Variants in IFNGR2 observed in about 807,000 individuals in gnomAD.
IFNGR2 encodes the protein interferon gamma receptor 2.
In IFNGR2, 15 loss-of-function variants were observed where a neutral mutation model predicts 41.1. The ratio of observed to expected loss-of-function variants is 0.37; its 90% CI spans 0.24 to 0.56. The LOEUF is 0.56. Ranked by LOEUF, IFNGR2 falls within the 20% of genes least tolerant of loss-of-function variation. IFNGR2 has a pLI of 0.81. For synonymous variants in IFNGR2, 161 were observed against 171.6 expected (o/e 0.94, Z 0.48); for missense variants, 362 against 415.7 (o/e 0.87, Z 1.12).
intron 5 of IFNGR2, 49 bp from the exon 6 acceptor site, chr21:33,432,665 T>C (rs1355872282): frequency 1.3e-6 from 2 of 1,597,410 alleles, no homozygotes; most frequent in Non-Finnish European, 1.7e-6. Flanking sequence ...CTGATGTTTG[T>C]GTTGTGCGTA....
chr21:33,430,133 C>T (rs2083873119), intron 4 of IFNGR2, among the ~76,000 whole-genome samples: 1 of 151,594 alleles, frequency 6.6e-6, no homozygotes, highest in Non-Finnish European at 1.5e-5. Flanking sequence ...AGCAAGACTC[C>T]GTCTCAAAAA....
chr21:33,430,141 AAAAC>A (rs201515262), intron 4 of IFNGR2, among the ~76,000 whole-genome samples: 10,303 of 152,258 alleles, frequency 0.068, 410 homozygotes, highest in Non-Finnish European at 0.11. Context: ...TCCGTCTCAA[AAAAC>A]AAACAAACAA....
chr21:33,433,374 G>T (rs911698027), intron 6 of IFNGR2, among the ~76,000 whole-genome samples: 1 of 152,182 alleles, frequency 6.6e-6, no homozygotes, highest in South Asian at 2.1e-4. Flanking sequence ...TGTCGTTGAA[G>T]GATTAATAGA....
intron 3 of IFNGR2, among the ~76,000 whole-genome samples, chr21:33,422,508 AAGG>A (rs2083801370): frequency 6.6e-6 from 1 of 152,164 alleles, no homozygotes; most frequent in African/African-American, 2.4e-5. Flanking sequence ...ATGATTTTTA[AAGG>A]AGGAGGAGGT....
chr21:33,410,014 G>A (rs1013043678), intron 1 of IFNGR2, among the ~76,000 whole-genome samples: 2 of 152,000 alleles, frequency 1.3e-5, no homozygotes, highest in African/African-American at 4.8e-5. Flanking sequence ...TGGTAGCAGG[G>A]TCCATTTTAT....
intron 1 of IFNGR2, among the ~76,000 whole-genome samples, chr21:33,405,423 T>G (rs185493128): frequency 6.6e-6 from 1 of 152,204 alleles, no homozygotes; most frequent in Non-Finnish European, 1.5e-5. Context: ...ATCCTGACTC[T>G]GCTTCCACTT....
intron 1 of IFNGR2, among the ~76,000 whole-genome samples, chr21:33,406,340 A>C (rs2083677488): frequency 6.6e-6 from 1 of 152,038 alleles, no homozygotes; most frequent in Non-Finnish European, 1.5e-5. Flanking sequence ...ATGCAACTGC[A>C]CTCCAGCCTG....
intron 6 of IFNGR2, among the ~76,000 whole-genome samples, chr21:33,434,876 A>G (rs1461224671): frequency 6.6e-6 from 1 of 152,194 alleles, no homozygotes; most frequent in Non-Finnish European, 1.5e-5. Flanking sequence ...GCCCCAGTAC[A>G]TGAATATACT....
intron 4 of IFNGR2, 102 bp downstream of exon 4, chr21:33,427,134 ATGTCCCCG>A: frequency 2.0e-6 from 2 of 999,784 alleles, no homozygotes; most frequent in Non-Finnish European, 3.2e-6. Flanking sequence ...GGGTGTCTCC[ATGTCCCCG>A]TGTCCCCATA....
Position 33,414,985 on chromosome 21 carries a change from C to T in IFNGR2, c.171C>T (p.Ser57=). The change falls in exon 2 of 7, where the codon AGC becomes AGT. Residue 57 remains serine, a synonymous_variant. Coordinates refer to ENST00000290219, the MANE Select transcript of IFNGR2 (RefSeq NM_005534.4). ...GGGAGCCAGTGGCCCTGAGCAATAG[C>T]ACGAGGCCTGTTGTCTACCAAGTGC... ...LSWEPVALSN[S]TRPVVYQVQF... The T allele has an allele frequency of 6.2e-7, 1 of 1,614,188 alleles. No individual in the cohort carries two copies. Among genetic ancestry groups the T allele is most frequent in the Non-Finnish European group, 8.5e-7 (1 of 1,180,024 alleles).
chr21:33,436,284 G>C (rs957953969), intron 6 of IFNGR2, among the ~76,000 whole-genome samples: 2 of 150,962 alleles, frequency 1.3e-5, no homozygotes, highest in African/African-American at 4.9e-5. Flanking sequence ...AGATGAGATC[G>C]TGTCATTGCA....
Position 33,404,261 on chromosome 21 carries a change from G to A in IFNGR2, c.73+645G>A, listed in dbSNP as rs76086305. 3.6e-3 allele frequency among the ~76,000 whole-genome samples: 551 copies of A among 152,332 alleles called. 5 individuals are homozygous for A. The highest frequency in any genetic ancestry group is 0.013 in the African/African-American group (528 of 41,574). On this transcript the variant is annotated intron_variant, in intron 1 of 6. Transcript: ENST00000290219. Reference sequence around the variant, plus strand: ...GAGCAGGGACCAGCGTCTTGGACGGGTGACCCAGACTCAATTCCGACTTTG... The same window carrying A: ...GAGCAGGGACCAGCGTCTTGGACGGATGACCCAGACTCAATTCCGACTTTG...
rs559124989 is a variant in IFNGR2 at position 33,419,921 on chromosome 21, C to T, written c.207-1559C>T. On this transcript the variant is annotated intron_variant, in intron 2 of 6. Transcript: ENST00000290219. ...CATGTTGCTCTTGGAGGAGGAGGAG[C>T]GGGGCGGTTAGAGGGTCTTTAGGTA... is the stretch of plus-strand genomic sequence containing the variant. 1.7e-3 allele frequency among the ~76,000 whole-genome samples: 253 copies of T among 152,190 alleles called. 3 individuals carry two copies. Among genetic ancestry groups the T allele is most frequent in the South Asian group, 6.9e-3 (33 of 4,812 alleles).
At chr21:33,407,168 AT>A (rs1458311841) in intron 1 of IFNGR2, among the ~76,000 whole-genome samples, 1 of 152,134 alleles carries the variant, frequency 6.6e-6, no homozygotes, top group Non-Finnish European at 1.5e-5. Context: ...TCTATTTGTA[AT>A]TGTAGCAGGT....
intron 6 of IFNGR2, among the ~76,000 whole-genome samples, chr21:33,434,091 AG>A (rs1466407135): frequency 6.6e-6 from 1 of 152,206 alleles, no homozygotes; most frequent in Non-Finnish European, 1.5e-5. Flanking sequence ...GAGAAAGAAC[AG>A]TAGCGTGGGT....
intron 1 of IFNGR2, chr21:33,410,895 A>G (rs1294457228): frequency 6.5e-7 from 1 of 1,534,636 alleles, no homozygotes; most frequent in South Asian, 1.2e-5. Context: ...TACTCATGGT[A>G]AGACAAGAGT....
chr21:33,409,232 G>A (rs2083699725), intron 1 of IFNGR2, among the ~76,000 whole-genome samples: 1 of 152,034 alleles, frequency 6.6e-6, no homozygotes, highest in African/African-American at 2.4e-5. Context: ...ACTGTGGGAG[G>A]CCAAGGCAGG....
chr21:33,436,364 A>G (rs1348235641), intron 6 of IFNGR2, among the ~76,000 whole-genome samples: 1 of 152,212 alleles, frequency 6.6e-6, no homozygotes, highest in Non-Finnish European at 1.5e-5. Flanking sequence ...GAATAAAAAG[A>G]AAAATAAGTT....
At chr21:33,422,877 C>CAAA (rs71194843) in intron 3 of IFNGR2, among the ~76,000 whole-genome samples, 42 of 34,932 alleles carry the variant, frequency 1.2e-3, no homozygotes, top group East Asian at 3.4e-3. Context: ...AACTCCATCT[C>CAAA]AAAAAAAAAA....
Sources: allele counts gnomAD v4.1 joint callset (sites outside exome capture counted in the v4.1 genomes callset), GRCh38; gene constraint gnomAD v4.1.1; transcripts MANE v1.5; gene names NCBI Gene and HGNC (gene_info 2026-07-23, HGNC 2026-07-21).